The following ARCN1 variants were observed in gnomAD, a reference collection of about 807,000 sequenced individuals.
The protein encoded by ARCN1 is archain 1 coat protein complex I subunit delta.
Under a neutral mutation model 60.4 loss-of-function variants are expected in ARCN1, and 5 were observed. The observed-to-expected ratio is 0.08, with a 90% CI of 0.04 to 0.17. The LOEUF is 0.17. Among genes scored for constraint, ARCN1 ranks in the 10% least tolerant of loss-of-function variants. ARCN1 has a pLI of 1.00. For missense variants in ARCN1, 464 were observed against 626.5 expected (o/e 0.74, Z 2.77); for synonymous variants, 224 against 220.0 (o/e 1.02, Z -0.16).
chr11:118,590,377 C>G lies in ARCN1; in HGVS notation c.855C>G (p.Thr285=), dbSNP rs782790694. The G allele has an allele frequency of 3.7e-6, 6 of 1,613,858 alleles. No individual in the cohort carries two copies. In the South Asian group the frequency reaches 6.6e-5, roughly 18 times the overall value. Residue 285 remains threonine, a synonymous_variant, in exon 6 of 10, where the codon ACC becomes ACG. Transcript: ENST00000264028. Reference sequence around the variant, plus strand: ...AGATTGAAGAAAAGATAACATTAACCTGTGGACGAGACGGAGGATTACAGA... The same window carrying G: ...AGATTGAAGAAAAGATAACATTAACGTGTGGACGAGACGGAGGATTACAGA... ...HMKIEEKITL[T]CGRDGGLQNM...
chr11:118,589,069 G>A (rs1938839448), intron 5 of ARCN1, among the ~76,000 whole-genome samples: 1 of 152,128 alleles, frequency 6.6e-6, no homozygotes, highest in Non-Finnish European at 1.5e-5. Flanking sequence ...AATTTGTGAA[G>A]TTAATAATGG....
At chr11:118,599,600 T>G (rs976318006) in intron 9 of ARCN1, among the ~76,000 whole-genome samples, 1 of 151,684 alleles carries the variant, frequency 6.6e-6, no homozygotes, top group East Asian at 1.9e-4. Context: ...TAATTTTTTT[T>G]TGTATTTTTA....
intron 6 of ARCN1, among the ~76,000 whole-genome samples, chr11:118,591,360 G>A (rs1555076294): frequency 6.6e-6 from 1 of 152,156 alleles, no homozygotes; most frequent in Admixed American, 6.6e-5. Context: ...GGCTTGTAAA[G>A]TGCTATCCAA....
At chr11:118,582,159 C>T (rs1388985958) in intron 2 of ARCN1, among the ~76,000 whole-genome samples, 3 of 151,824 alleles carry the variant, frequency 2.0e-5, no homozygotes, top group Admixed American at 6.6e-5. Context: ...TTTTTAAAGA[C>T]GGAGTCTCGC....
At chr11:118,596,313 G>A (rs1444291762) in intron 8 of ARCN1, among the ~76,000 whole-genome samples, 3 of 152,148 alleles carry the variant, frequency 2.0e-5, no homozygotes, top group Non-Finnish European at 2.9e-5. Context: ...AGTTTTGTTT[G>A]TCAAGATTTA....
intron 5 of ARCN1, among the ~76,000 whole-genome samples, chr11:118,586,852 CAAAAAAAAAA>C (rs781894156): frequency 5.6e-5 from 3 of 53,396 alleles, no homozygotes; most frequent in Non-Finnish European, 1.2e-4. Flanking sequence ...ACTCTATCTC[CAAAAAAAAAA>C]AAAAAAAAAA....
Position 118,593,899 on chromosome 11 carries a change from G to C in ARCN1, c.1241+201G>C, listed in dbSNP as rs559579380. ...TCTTTCTGGAAAAGGTAATACTATT[G>C]AATAAAAATGAGGAGGTAGAGAAGA... On this transcript the variant is annotated intron_variant, in intron 8 of 9. Coordinates refer to ENST00000264028, the MANE Select transcript of ARCN1 (RefSeq NM_001655.5). 190 of 405,252 alleles carry C rather than the reference G, an allele frequency of 4.7e-4. 1 individual carries two copies. The highest frequency in any genetic ancestry group is 3.7e-3 in the African/African-American group (184 of 49,606). 25.1% of individuals were successfully genotyped at this position (405,252 alleles called of 1,614,324 possible).
chr11:118,593,607 G>T lies in ARCN1; in HGVS notation c.1150G>T (p.Glu384Ter). 6.2e-7 allele frequency: 1 copy of T among 1,612,802 alleles called. No individual in the cohort carries two copies. Among genetic ancestry groups the T allele is most frequent in the South Asian group, 1.1e-5 (1 of 91,048 alleles). ...CTCCTCAGTTAATTGCTGGCCCTCGGAGAGTGGAAATGGCTGTGATGTCAA... is the reference window on the plus strand; with the variant it reads ...CTCCTCAGTTAATTGCTGGCCCTCGTAGAGTGGAAATGGCTGTGATGTCAA... ...IPLTINCWPS[E>*]SGNGCDVNIE... The change falls in exon 8 of 10, where the codon GAG becomes TAG. Residue 384 changes from glutamate (E) to a stop codon, truncating the protein, a stop_gained. Transcript: ENST00000264028. LOFTEE classifies it high-confidence loss of function.
At chr11:118,584,366 A>G (rs1938730168) in intron 4 of ARCN1, 114 bp from the exon 5 acceptor site, 1 of 963,730 alleles carries the variant, frequency 1.0e-6, no homozygotes, top group Admixed American at 3.3e-5. Flanking sequence ...AATTATATAC[A>G]AAATTTTGTG....
intron 2 of ARCN1, among the ~76,000 whole-genome samples, chr11:118,582,629 G>A (rs1322565307): frequency 1.3e-5 from 2 of 151,602 alleles, no homozygotes; most frequent in South Asian, 2.1e-4. Flanking sequence ...AGGAGGCTGA[G>A]GCATGAGAAT....
intron 8 of ARCN1, among the ~76,000 whole-genome samples, chr11:118,595,269 A>G (rs782280435): frequency 1.5e-4 from 23 of 152,240 alleles, no homozygotes; most frequent in Non-Finnish European, 2.5e-4. Flanking sequence ...AATTGAGTCT[A>G]TCGGGCTGAA....
chr11:118,597,067 C>A (rs765783909), intron 8 of ARCN1, among the ~76,000 whole-genome samples: 2 of 152,136 alleles, frequency 1.3e-5, no homozygotes, highest in South Asian at 4.1e-4. Context: ...ATTAGCTGGG[C>A]GTGGCGGCAC....
At chr11:118,572,769 C>T in intron 1 of ARCN1, 1 of 499,448 alleles carries the variant, frequency 2.0e-6, no homozygotes, top group Admixed American at 3.6e-5. Context: ...CGCTTCCGCA[C>T]CACCCCCCAA....
chr11:118,590,529 G>A, intron 6 of ARCN1, 23 bp downstream of exon 6: 1 of 1,611,454 alleles, frequency 6.2e-7, no homozygotes, highest in Non-Finnish European at 8.5e-7. Context: ...TTTTGATAGG[G>A]AGTATTAACA....
In ARCN1 at chr11:118,584,502, T is replaced by C. The variant is rs1555075167; in HGVS notation, c.676T>C (p.Leu226=). The change falls in exon 5 of 10, where the codon TTA becomes CTA. Residue 226 remains leucine, a synonymous_variant. Coordinates refer to ENST00000264028, the MANE Select transcript of ARCN1 (RefSeq NM_001655.5). ...TAGGCCTTCAGGCCCCAGCAAGGCT[T>C]TAAAACTTGGAGCCAAAGGAAAGGA... is the stretch of plus-strand genomic sequence containing the variant. The part of the protein sequence containing the change: ...PARPSGPSKA[L]KLGAKGKEVD... The C allele has an allele frequency of 4.3e-6, 7 of 1,612,402 alleles. 1 individual carries two copies. The South Asian group carries it at 7.7e-5, about 18-fold the overall frequency.
chr11:118,597,068 G>T (rs564855091), intron 8 of ARCN1, among the ~76,000 whole-genome samples: 5 of 152,186 alleles, frequency 3.3e-5, no homozygotes, highest in Non-Finnish European at 7.3e-5. Context: ...TTAGCTGGGC[G>T]TGGCGGCACA....
At chr11:118,597,641 G>A (rs1184989141) in intron 8 of ARCN1, 66 bp from the exon 9 acceptor site, 1 of 1,560,254 alleles carries the variant, frequency 6.4e-7, no homozygotes, top group Non-Finnish European at 8.7e-7. Context: ...CAAATTTGGG[G>A]TTGGTTTTCC....
chr11:118,585,907 G>C (rs999074213), intron 5 of ARCN1, among the ~76,000 whole-genome samples: 6 of 152,144 alleles, frequency 3.9e-5, no homozygotes, highest in Non-Finnish European at 7.4e-5. Context: ...TCAGGGCTGT[G>C]GTACTGGTTG....
At chr11:118,589,218 T>C (rs1365483338) in intron 5 of ARCN1, among the ~76,000 whole-genome samples, 3 of 152,178 alleles carry the variant, frequency 2.0e-5, no homozygotes, top group Non-Finnish European at 2.9e-5. Context: ...AACATACATA[T>C]ATAATGTTTA....
Sources: allele counts gnomAD v4.1 joint callset (sites outside exome capture counted in the v4.1 genomes callset), GRCh38; gene constraint gnomAD v4.1.1; transcripts MANE v1.5; gene names NCBI Gene and HGNC (gene_info 2026-07-23, HGNC 2026-07-21).